UBAP2: variants seen among roughly 807,000 people sequenced by gnomAD.
UBAP2 encodes ubiquitin associated protein 2.
In UBAP2, 75 loss-of-function variants were observed where a neutral mutation model predicts 139.6. That is an observed-to-expected ratio of 0.54 (90% CI 0.45 to 0.65). The LOEUF (loss-of-function observed/expected upper bound fraction) is 0.65. UBAP2 is among the 30% of genes least tolerant of loss of function. UBAP2 has a pLI of 0.00. For missense variants in UBAP2, 1,368 were observed against 1,369.6 expected (o/e 1.00, Z 0.02); for synonymous variants, 526 against 526.2 (o/e 1.00, Z 0.01).
chr9:33,977,424 C>T (rs1587599278), intron 6 of UBAP2, among the ~76,000 whole-genome samples: 2 of 152,146 alleles, frequency 1.3e-5, no homozygotes, highest in Non-Finnish European at 2.9e-5. Flanking sequence ...TCCTACTCAC[C>T]TGGTAGTAAC....
At chr9:34,007,774 G>A (rs982325706) in intron 2 of UBAP2, among the ~76,000 whole-genome samples, 1 of 151,600 alleles carries the variant, frequency 6.6e-6, no homozygotes, top group Non-Finnish European at 1.5e-5. Context: ...GAGTAGCTGG[G>A]ACTACAGGCA....
intron 1 of UBAP2, among the ~76,000 whole-genome samples, chr9:34,020,309 C>A (rs1027250911): frequency 7.3e-5 from 11 of 151,536 alleles, no homozygotes; most frequent in Admixed American, 1.3e-4. Flanking sequence ...CCAATGATAA[C>A]AATGCAGAGC....
intron 6 of UBAP2, among the ~76,000 whole-genome samples, chr9:33,979,976 G>A (rs1587603874): frequency 1.3e-5 from 2 of 151,920 alleles, no homozygotes; most frequent in Admixed American, 1.3e-4. Flanking sequence ...GGGAGGCTAA[G>A]GCAGGAGAAT....
At position 33,922,875 on chromosome 9, in the gene UBAP2, A is replaced by G. The variant is rs149408613; in HGVS notation, c.3076T>C (p.Phe1026Leu). Residue 1026 changes from phenylalanine (F) to leucine (L), a missense_variant, in exon 28 of 29, where the codon TTT becomes CTT. By Grantham distance (22) the Phe-to-Leu change is conservative. Coordinates refer to ENST00000379238, the MANE Select transcript of UBAP2 (RefSeq NM_001370062.2). The part of the protein sequence containing the change: ...TGSVYNKTQT[F>L]DKQGFHAGTP... ...CCTGCATGAAATCCCTGCTTGTCAA[A>G]AGTCTACAGGGCAAAGAAGACAATG... 2.1e-5 allele frequency: 34 copies of G among 1,597,714 alleles called. No homozygotes were observed. The highest frequency in any genetic ancestry group is 5.4e-5 in the African/African-American group (4 of 74,484).
Position 33,923,219 on chromosome 9 carries a change from G to T in UBAP2, c.2971C>A (p.Pro991Thr), listed in dbSNP as rs765520358. ...GGCCCAGAACCTGCAGACTTGTTTG[G>T]TGCCTGCGATGATCCAGCATAGCCA... ...KGGYAGSSQA[P>T]NKSAGSGPGK... Residue 991 changes from proline (P) to threonine (T), a missense_variant, in exon 26 of 29, where the codon CCA (proline) becomes ACA (threonine). Physicochemically the swap from Pro to Thr is conservative, Grantham distance 38. Transcript: ENST00000379238. 6 of 1,614,090 alleles carry T rather than the reference G, an allele frequency of 3.7e-6. No individual in the cohort carries two copies. In the African/African-American group the frequency reaches 5.3e-5, roughly 14 times the overall value.
At chr9:33,956,011 C>T (rs1357806992) in intron 11 of UBAP2, 68 bp downstream of exon 11, 8 of 1,307,094 alleles carry the variant, frequency 6.1e-6, no homozygotes, top group South Asian at 1.4e-5. Flanking sequence ...AATGAAAATA[C>T]TTTTCCTGAG....
At chr9:33,975,801 CAAA>C (rs556958048) in intron 6 of UBAP2, among the ~76,000 whole-genome samples, 5 of 72,330 alleles carry the variant, frequency 6.9e-5, no homozygotes, top group Admixed American at 1.6e-4. Flanking sequence ...GACTCCGTCT[CAAA>C]AAAAAAAAAA....
chr9:34,046,643 CAAAAAA>C (rs59971755), intron 1 of UBAP2, among the ~76,000 whole-genome samples: 12 of 122,330 alleles, frequency 9.8e-5, no homozygotes, highest in African/African-American at 3.5e-4. Context: ...GACTCCATCT[CAAAAAA>C]AAAAAAAAAA....
intron 6 of UBAP2, among the ~76,000 whole-genome samples, chr9:33,979,148 G>A (rs1820415338): frequency 1.3e-5 from 2 of 152,184 alleles, no homozygotes; most frequent in South Asian, 2.1e-4. Flanking sequence ...GGCAGCAGGA[G>A]TATTGCTTGA....
At chr9:34,022,785 T>C (rs1825077061) in intron 1 of UBAP2, among the ~76,000 whole-genome samples, 1 of 152,110 alleles carries the variant, frequency 6.6e-6, no homozygotes, top group Non-Finnish European at 1.5e-5. Context: ...TAAAACAGAA[T>C]TAAGCATCTA....
intron 2 of UBAP2, among the ~76,000 whole-genome samples, chr9:34,001,259 G>C (rs1025243651): frequency 2.0e-5 from 3 of 152,212 alleles, no homozygotes; most frequent in African/African-American, 2.4e-5. Context: ...GAATATATAA[G>C]TAGGATTGCA....
At chr9:34,012,152 C>A (rs1271286160) in intron 2 of UBAP2, among the ~76,000 whole-genome samples, 1 of 152,086 alleles carries the variant, frequency 6.6e-6, no homozygotes, top group Non-Finnish European at 1.5e-5. Context: ...GTGGAATGTT[C>A]ACATAATTTT....
chr9:34,027,726 T>C (rs965814065), intron 1 of UBAP2, among the ~76,000 whole-genome samples: 3 of 149,470 alleles, frequency 2.0e-5, no homozygotes, highest in East Asian at 3.9e-4. Context: ...CCGGGGGTGG[T>C]GGCGGGTACC....
intron 10 of UBAP2, among the ~76,000 whole-genome samples, chr9:33,957,836 G>A (rs538233605): frequency 6.6e-6 from 1 of 152,274 alleles, no homozygotes; most frequent in African/African-American, 2.4e-5. Flanking sequence ...AGGTAGAGGA[G>A]ACAGTAGGTG....
rs770831879 is a variant in UBAP2, at chr9:33,948,607, G to C, written c.1057-20C>G. The stretch of plus-strand genomic sequence containing the variant: ...GGATGACTTTAAAAGGGGGATAAAA[G>C]AACAAATCCTCAACAATACAGAATT... On this transcript the variant is annotated intron_variant, in intron 12 of 28. Coordinates refer to ENST00000379238, the MANE Select transcript of UBAP2 (RefSeq NM_001370062.2). The C allele has an allele frequency of 6.2e-7, 1 of 1,606,478 alleles. No individual in the cohort carries two copies. The highest frequency in any genetic ancestry group is 8.5e-7 in the Non-Finnish European group (1 of 1,173,788).
In UBAP2 at chr9:33,923,215, T is replaced by G; in HGVS notation, c.2975A>C (p.Asn992Thr). 1 of 1,614,128 alleles carries G rather than the reference T, an allele frequency of 6.2e-7. No homozygotes were observed. Among genetic ancestry groups the G allele is most frequent in the Admixed American group, 1.7e-5 (1 of 60,024 alleles). Reference sequence around the variant, plus strand: ...GCCAGGCCCAGAACCTGCAGACTTGTTTGGTGCCTGCGATGATCCAGCATA... The same window carrying G: ...GCCAGGCCCAGAACCTGCAGACTTGGTTGGTGCCTGCGATGATCCAGCATA... ...GGYAGSSQAP[N>T]KSAGSGPGKG... Residue 992 changes from asparagine (N) to threonine (T), a missense_variant, in exon 26 of 29, where the codon AAC becomes ACC. Physicochemically the swap from Asn to Thr is moderately conservative, Grantham distance 65 (BLOSUM62 0). Transcript: ENST00000379238.
intron 1 of UBAP2, among the ~76,000 whole-genome samples, chr9:34,020,091 C>T (rs1190269198): frequency 7.0e-6 from 1 of 142,778 alleles, no homozygotes; most frequent in African/African-American, 2.6e-5. Context: ...ACCTGGGAGG[C>T]GGAGGTTGCA....
chr9:34,035,010 C>T (rs1826208277), intron 1 of UBAP2, among the ~76,000 whole-genome samples: 1 of 152,176 alleles, frequency 6.6e-6, no homozygotes, highest in Admixed American at 6.6e-5. Context: ...GCAACAACTA[C>T]ATAAACTGTA....
intron 1 of UBAP2, among the ~76,000 whole-genome samples, chr9:34,045,602 G>A (rs1297082909): frequency 2.0e-5 from 3 of 151,848 alleles, no homozygotes; most frequent in Non-Finnish European, 2.9e-5. Context: ...TCGAACTCCC[G>A]ACCTCGTGAC....
Sources: allele counts gnomAD v4.1 joint callset (sites outside exome capture counted in the v4.1 genomes callset), GRCh38; gene constraint gnomAD v4.1.1; transcripts MANE v1.5; gene names NCBI Gene and HGNC (gene_info 2026-07-23, HGNC 2026-07-21).